Variants in EIF2S1 observed in about 807,000 individuals in gnomAD.
EIF2S1 encodes the protein eukaryotic translation initiation factor 2 subunit alpha.
EIF2S1 carries 5 observed loss-of-function variants against 33.5 expected under a neutral mutation model. That is an observed-to-expected ratio of 0.15 (90% confidence interval 0.08 to 0.31). EIF2S1 has a LOEUF of 0.31. Among genes scored for constraint, EIF2S1 ranks in the 10% least tolerant of loss-of-function variants. The pLI is 1.00. For missense variants in EIF2S1, 191 were observed against 384.6 expected (o/e 0.50, Z 4.21); for synonymous variants, 99 against 127.5 (o/e 0.78, Z 1.51).
chr14:67,375,232 CTGTGTGTGTGTGTGTGTGTGTG>C lies in EIF2S1; in HGVS notation c.321+715_321+736del, dbSNP rs3067321. ...TCCTTCATCCTCTACATCCTCAGTT[CTGTGTGTGTGTGTGTGTGTGTG>C]TGTGTGTGTGTGTGTGTGTGTGTGT... On this transcript the variant is annotated intron_variant, in intron 3 of 7. Transcript: ENST00000256383. Among the ~76,000 whole-genome samples the C allele has an allele frequency of 6.6e-3, 906 of 137,672 alleles. 18 individuals are homozygous for C. Among genetic ancestry groups the C allele is most frequent in the East Asian group, 0.059 (272 of 4,628 alleles). 90.3% of individuals were successfully genotyped at this position (137,672 alleles called of 152,430 possible).
intron 3 of EIF2S1, among the ~76,000 whole-genome samples, chr14:67,375,373 T>TGCCTCC (rs1380835202): frequency 2.0e-5 from 3 of 152,036 alleles, no homozygotes; most frequent in Non-Finnish European, 4.4e-5. Context: ...CTCTCGCCTC[T>TGCCTCC]GCCTCCCGGA....
intron 4 of EIF2S1, among the ~76,000 whole-genome samples, chr14:67,378,223 A>G (rs2085867829): frequency 6.6e-6 from 1 of 151,922 alleles, no homozygotes; most frequent in African/African-American, 2.4e-5. Flanking sequence ...GGGGGAAAAA[A>G]GAGAATGAGT....
chr14:67,363,653 C>T (rs1395108830), intron 1 of EIF2S1, among the ~76,000 whole-genome samples: 1 of 151,840 alleles, frequency 6.6e-6, no homozygotes, highest in African/African-American at 2.4e-5. Flanking sequence ...ATGGGGAGAA[C>T]TAGGGAGAAA....
At position 67,385,247 on chromosome 14, in the gene EIF2S1, A is replaced by C. The variant is rs1344673390; in HGVS notation, c.*1807A>C. 1.3e-5 allele frequency: 2 copies of C among 152,206 alleles called. No individual in the cohort carries two copies. Among genetic ancestry groups the C allele is most frequent in the African/African-American group, 2.4e-5 (1 of 41,452 alleles). 9.4% of individuals were successfully genotyped at this position (152,206 alleles called of 1,614,324 possible). ...ACATATGAGGACAAGGTATACACCCAGTTCTGAATAACTTGAAGAACAGGC... is the reference window on the plus strand; with the variant it reads ...ACATATGAGGACAAGGTATACACCCCGTTCTGAATAACTTGAAGAACAGGC... On this transcript the variant is annotated 3_prime_UTR_variant, in exon 8 of 8. Transcript: ENST00000256383.
chr14:67,375,791 G>C (rs28558916), intron 3 of EIF2S1, among the ~76,000 whole-genome samples: 23,691 of 152,060 alleles, frequency 0.16, 3,501 homozygotes, highest in East Asian at 0.43. Context: ...TAGAAATACA[G>C]ACTCTCAGGT....
At chr14:67,369,824 A>G (rs2085807319) in intron 2 of EIF2S1, among the ~76,000 whole-genome samples, 1 of 151,822 alleles carries the variant, frequency 6.6e-6, no homozygotes, top group Non-Finnish European at 1.5e-5. Flanking sequence ...AAAAGAAAGG[A>G]AAGGTAAACT....
chr14:67,381,461 A>G (rs1333464533), intron 5 of EIF2S1, 132 bp from the exon 6 acceptor site: 1 of 563,406 alleles, frequency 1.8e-6, no homozygotes, highest in Non-Finnish European at 3.1e-6. Context: ...ATAAATAAGG[A>G]ACTGCAGTAT....
Position 67,381,589 on chromosome 14 carries a change from G to T in EIF2S1, c.581-4G>T. On this transcript the variant is annotated splice_polypyrimidine_tract_variant and splice_region_variant and intron_variant, in intron 5 of 7. Coordinates refer to ENST00000256383, the MANE Select transcript of EIF2S1 (RefSeq NM_004094.5). ...TATCAACTTTTGAATTTTTGTAATTGTAGATATTGAAGTGGCTTGTTATGG... is the reference window on the plus strand; with the variant it reads ...TATCAACTTTTGAATTTTTGTAATTTTAGATATTGAAGTGGCTTGTTATGG... 1 of 1,607,468 alleles carries T rather than the reference G, an allele frequency of 6.2e-7. No individual in the cohort carries two copies. Among genetic ancestry groups the T allele is most frequent in the Non-Finnish European group, 8.5e-7 (1 of 1,176,596 alleles).
At chr14:67,377,341 C>T (rs892051627) in intron 4 of EIF2S1, among the ~76,000 whole-genome samples, 1 of 151,798 alleles carries the variant, frequency 6.6e-6, no homozygotes, top group Non-Finnish European at 1.5e-5. Flanking sequence ...TCATGGTCTC[C>T]AGCCTCAGCT....
intron 4 of EIF2S1, 46 bp downstream of exon 4, chr14:67,376,636 C>G (rs1446634354): frequency 3.2e-6 from 5 of 1,579,738 alleles, no homozygotes; most frequent in African/African-American, 1.4e-5. Flanking sequence ...TATCACAACT[C>G]TTGGCCTGAT....
intron 4 of EIF2S1, among the ~76,000 whole-genome samples, chr14:67,379,870 G>A (rs2085878363): frequency 6.6e-6 from 1 of 151,702 alleles, no homozygotes; most frequent in Admixed American, 6.6e-5. Flanking sequence ...TAGCCGGGAT[G>A]GTCTCGATCT....
chr14:67,383,638 T>G lies in EIF2S1; in HGVS notation c.*198T>G. The G allele has an allele frequency of 3.2e-6, 2 of 628,480 alleles. No homozygotes were observed. Among genetic ancestry groups the G allele is most frequent in the Non-Finnish European group, 5.3e-6 (2 of 380,006 alleles). The allele number at this position is 628,480 out of a possible 1,614,324, so 38.9% of individuals were successfully genotyped here. A position where few individuals can be genotyped will look rare whatever the true frequency, so the allele number is the denominator to read the frequency against. On this transcript the variant is annotated 3_prime_UTR_variant, in exon 8 of 8. Coordinates refer to ENST00000256383, the MANE Select transcript of EIF2S1 (RefSeq NM_004094.5). ...TGTTGTCACACAGTAGCTCCAACACTTTGAGCATTTTTAAGGGAGTGGCCT... is the reference window on the plus strand; with the variant it reads ...TGTTGTCACACAGTAGCTCCAACACGTTGAGCATTTTTAAGGGAGTGGCCT...
At chr14:67,367,847 A>G (rs2085790539) in intron 2 of EIF2S1, among the ~76,000 whole-genome samples, 1 of 151,916 alleles carries the variant, frequency 6.6e-6, no homozygotes, top group African/African-American at 2.4e-5. Flanking sequence ...AAAAAAAAAA[A>G]GAGAGAGGTG....
intron 2 of EIF2S1, among the ~76,000 whole-genome samples, chr14:67,372,907 A>G (rs191734701): frequency 6.6e-6 from 1 of 152,324 alleles, no homozygotes; most frequent in African/African-American, 2.4e-5. Flanking sequence ...TTGAATAGAC[A>G]CTTTGCCAGA....
chr14:67,361,997 G>A (rs1262749455), intron 1 of EIF2S1, among the ~76,000 whole-genome samples: 1 of 149,340 alleles, frequency 6.7e-6, no homozygotes, highest in East Asian at 1.9e-4. Context: ...AATTACTTAG[G>A]TAAGAGTCTT....
chr14:67,376,837 A>G (rs975978784), intron 4 of EIF2S1, among the ~76,000 whole-genome samples: 1 of 152,190 alleles, frequency 6.6e-6, no homozygotes, highest in Non-Finnish European at 1.5e-5. Flanking sequence ...CTAAGTGGCT[A>G]TGGGACTAAA....
At position 67,385,960 on chromosome 14, in the gene EIF2S1, A is replaced by G. The variant is rs1020565925; in HGVS notation, c.*2520A>G. On this transcript the variant is annotated 3_prime_UTR_variant, in exon 8 of 8. Transcript: ENST00000256383. ...GAACAAAATGGCTAGAGATTTTTTTAAAAATACAAATGCCAGTACCTTGCC... is the reference window on the plus strand; with the variant it reads ...GAACAAAATGGCTAGAGATTTTTTTGAAAATACAAATGCCAGTACCTTGCC... The G allele has an allele frequency of 6.6e-6, 1 of 152,050 alleles. No individual in the cohort carries two copies. 9.4% of individuals were successfully genotyped at this position (152,050 alleles called of 1,614,324 possible). A position where few individuals can be genotyped will look rare whatever the true frequency, so the allele number is the denominator to read the frequency against.
At chr14:67,376,613 C>T in intron 4 of EIF2S1, 23 bp downstream of exon 4, 1 of 1,605,488 alleles carries the variant, frequency 6.2e-7, no homozygotes, top group Non-Finnish European at 8.5e-7. Flanking sequence ...TCTTGACTCT[C>T]CTTCTACCTT....
At chr14:67,376,293 T>A in intron 3 of EIF2S1, 146 bp from the exon 4 acceptor site, 1 of 775,860 alleles carries the variant, frequency 1.3e-6, no homozygotes, top group Non-Finnish European at 2.0e-6. Context: ...CTACTTTTTA[T>A]ACCCACTTAA....
Sources: gnomAD v4.1 joint callset for allele counts (sites outside exome capture counted in the v4.1 genomes callset) on GRCh38, gnomAD v4.1.1 for gene constraint, MANE v1.5 for transcripts, NCBI Gene and HGNC (gene_info 2026-07-23, HGNC 2026-07-21) for gene names.